SYNE2: variants seen among roughly 807,000 people sequenced by gnomAD.
SYNE2 encodes the protein spectrin repeat containing nuclear envelope protein 2.
A neutral mutation model predicts 856.3 loss-of-function variants in SYNE2; 431 were observed. The ratio of observed to expected loss-of-function variants is 0.50; its 90% confidence interval spans 0.47 to 0.55. The LOEUF (loss-of-function observed/expected upper bound fraction) is 0.55. SYNE2 is among the 20% of genes least tolerant of loss of function. SYNE2 has a pLI of 0.00. For missense variants in SYNE2, 8,129 were observed against 8,023.2 expected (o/e 1.01, Z -0.50); for synonymous variants, 2,923 against 2,872.3 (o/e 1.02, Z -0.56).
At chr14:63,832,020 A>G (rs1889687047) in intron 1 of SYNE2, among the ~76,000 whole-genome samples, 2 of 152,136 alleles carry the variant, frequency 1.3e-5, no homozygotes, top group Non-Finnish European at 2.9e-5. Flanking sequence ...CCCACAAAAA[A>G]TTATTATTTT....
At chr14:63,961,458 G>A in intron 8 of SYNE2, 67 bp from the exon 9 acceptor site, 2 of 1,329,354 alleles carry the variant, frequency 1.5e-6, no homozygotes, top group Non-Finnish European at 2.1e-6. Context: ...CTATGGCATA[G>A]CCCATTCTTG....
intron 74 of SYNE2, 32 bp from the exon 75 acceptor site, chr14:64,129,750 G>A (rs1249157539): frequency 6.2e-7 from 1 of 1,613,318 alleles, no homozygotes; most frequent in Non-Finnish European, 8.5e-7. Flanking sequence ...CTTACTGAAG[G>A]GTTTTCTTTT....
rs554371249 is a variant in SYNE2 at position 63,956,631 on chromosome 14, G to A, written c.787+1716G>A. The stretch of plus-strand genomic sequence containing the variant: ...ATTAGTGGTTTCTAGTATACAGCCT[G>A]CCCTTCATGTCTGGGTTCCATATCC... On this transcript the variant is annotated intron_variant, in intron 8 of 115. Transcript: ENST00000555002. 2.0e-5 allele frequency among the ~76,000 whole-genome samples: 3 copies of A among 152,076 alleles called. No individual in the cohort carries two copies. The East Asian group carries it at 5.8e-4, about 29-fold the overall frequency.
intron 45 of SYNE2, among the ~76,000 whole-genome samples, chr14:64,038,087 G>A (rs971608525): frequency 6.6e-6 from 1 of 151,672 alleles, no homozygotes; most frequent in African/African-American, 2.4e-5. Context: ...TTCTCAGACG[G>A]GGCGGCCGGG....
chr14:64,200,393 G>A (rs938951909), intron 99 of SYNE2, among the ~76,000 whole-genome samples: 2 of 152,154 alleles, frequency 1.3e-5, no homozygotes, highest in African/African-American at 4.8e-5. Context: ...CTCCAGCAGA[G>A]CCTTCCAGGA....
intron 10 of SYNE2, among the ~76,000 whole-genome samples, chr14:63,966,994 T>C (rs2096402358): frequency 6.6e-6 from 1 of 152,024 alleles, no homozygotes; most frequent in Non-Finnish European, 1.5e-5. Context: ...GCCTCCCGAG[T>C]AGCTGGGACC....
At position 63,890,954 on chromosome 14, in the gene SYNE2, T is replaced by C. The variant is rs539013949; in HGVS notation, c.-51-18144T>C. 6.6e-5 allele frequency among the ~76,000 whole-genome samples: 10 copies of C among 152,362 alleles called. No homozygotes were observed. The South Asian group carries it at 1.0e-3, about 16-fold the overall frequency. ...CATCTTTGCACCCCAGTGCCTGATATAGTGCCTGGCAAGTCGTAAGCACTC... is the reference window on the plus strand; with the variant it reads ...CATCTTTGCACCCCAGTGCCTGATACAGTGCCTGGCAAGTCGTAAGCACTC... On this transcript the variant is annotated intron_variant, in intron 1 of 115. Transcript: ENST00000555002.
intron 6 of SYNE2, among the ~76,000 whole-genome samples, chr14:63,944,639 G>C (rs1268234674): frequency 1.4e-5 from 2 of 145,016 alleles, no homozygotes; most frequent in African/African-American, 5.1e-5. Flanking sequence ...TTCTGCCTTA[G>C]CCTCCCAAGT....
intron 100 of SYNE2, 26 bp from the exon 101 acceptor site, chr14:64,208,732 G>A: frequency 6.2e-7 from 1 of 1,613,770 alleles, no homozygotes; most frequent in Non-Finnish European, 8.5e-7. Flanking sequence ...CATCTCAAGA[G>A]GTTTCTTACT....
chr14:63,995,730 C>CATCTATCT (rs373410347), intron 23 of SYNE2, among the ~76,000 whole-genome samples: 15,949 of 113,364 alleles, frequency 0.14, 941 homozygotes, highest in Middle Eastern at 0.2. Context: ...TATATCTATC[C>CATCTATCT]ATCTATCTAT....
chr14:63,962,019 T>C (rs2096322998), intron 9 of SYNE2, among the ~76,000 whole-genome samples: 1 of 151,660 alleles, frequency 6.6e-6, no homozygotes, highest in African/African-American at 2.4e-5. Context: ...ATTTTTATTA[T>C]AATATTCTAT....
intron 99 of SYNE2, among the ~76,000 whole-genome samples, chr14:64,199,673 G>A (rs991792458): frequency 1.9e-4 from 26 of 140,264 alleles, no homozygotes; most frequent in African/African-American, 6.5e-4. Context: ...AGCCCATGTC[G>A]CAGCACTGCA....
intron 1 of SYNE2, among the ~76,000 whole-genome samples, chr14:63,895,526 A>G (rs1051895185): frequency 2.0e-5 from 3 of 149,866 alleles, no homozygotes; most frequent in Admixed American, 1.3e-4. Context: ...GCCAAAGTGC[A>G]TGGGTCACTT....
At chr14:64,056,821 C>T (rs1046053795) in intron 49 of SYNE2, among the ~76,000 whole-genome samples, 10 of 152,102 alleles carry the variant, frequency 6.6e-5, no homozygotes, top group Non-Finnish European at 1.2e-4. Context: ...CAGGCATATG[C>T]CACCACGCCT....
chr14:64,022,837 G>A lies in SYNE2; in HGVS notation c.5611G>A (p.Val1871Met), dbSNP rs1382425366. The A allele has an allele frequency of 6.2e-7, 1 of 1,607,830 alleles. No individual in the cohort carries two copies. Among genetic ancestry groups the A allele is most frequent in the African/African-American group, 1.3e-5 (1 of 74,624 alleles). ...CFESSETKKS[V>M]EQKLQKLSDF... ...TGAATCATCAGAAACAAAAAAGAGT[G>A]TGGAACAAAAGCTACAAAAACTTTC... Residue 1871 changes from valine to methionine, a missense_variant, in exon 38 of 116, where the codon GTG (valine) becomes ATG (methionine). Physicochemically the swap from Val to Met is conservative, Grantham distance 21. Around this residue, in one of 3 missense-constraint regions of SYNE2, gnomAD observed 2,422 missense variants for 2,357.4 expected, o/e 1.03. Transcript: ENST00000555002.
rs758192784 is a variant in SYNE2 at position 64,052,163 on chromosome 14, T to G, written c.8250T>G (p.Leu2750=). 1 of 1,614,166 alleles carries G rather than the reference T, an allele frequency of 6.2e-7. No homozygotes were observed. The highest frequency in any genetic ancestry group is 8.5e-7 in the Non-Finnish European group (1 of 1,180,036). The change falls in exon 48 of 116, where the codon CTT becomes CTG. Residue 2750 remains leucine (L), a synonymous_variant. Transcript: ENST00000555002. ...ILWAKNLLGE[L]NPSIPLLPDD... is the part of the protein sequence containing the mutation. ...GGGCCAAGAATTTGTTGGGTGAACT[T>G]AATCCCTCCATTCCCCTTCTCCCAG...
intron 1 of SYNE2, among the ~76,000 whole-genome samples, chr14:63,861,299 C>A (rs899458780): frequency 2.0e-5 from 3 of 151,838 alleles, no homozygotes; most frequent in African/African-American, 7.3e-5. Context: ...TGCGCACCAC[C>A]ACGCCCAGCT....
intron 64 of SYNE2, among the ~76,000 whole-genome samples, chr14:64,104,061 T>G (rs1244585062): frequency 6.6e-6 from 1 of 152,246 alleles, no homozygotes; most frequent in African/African-American, 2.4e-5. Flanking sequence ...GGTACTTTAA[T>G]GAACTGAATT....
intron 65 of SYNE2, among the ~76,000 whole-genome samples, chr14:64,110,623 A>G (rs1248158220): frequency 7.3e-6 from 1 of 136,900 alleles, no homozygotes; most frequent in Non-Finnish European, 1.6e-5. Flanking sequence ...CAATTATAAA[A>G]CATCCATTTA....
Sources: gnomAD v4.1 joint callset for allele counts (sites outside exome capture counted in the v4.1 genomes callset) on GRCh38, gnomAD v4.1.1 for gene constraint, gnomAD v4.1.1 regional missense constraint, MANE v1.5 for transcripts, NCBI Gene and HGNC (gene_info 2026-07-23, HGNC 2026-07-21) for gene names.